Variants in PDS5B observed in about 807,000 individuals in gnomAD.
PDS5B encodes the protein sister chromatid cohesion protein PDS5 homolog B.
In PDS5B, 51 loss-of-function variants were observed where a neutral mutation model predicts 184.1. The ratio of observed to expected loss-of-function variants is 0.28; its 90% confidence interval spans 0.22 to 0.35. The LOEUF (loss-of-function observed/expected upper bound fraction) is 0.35, where lower values mean the gene tolerates loss of function less well. Among genes scored for constraint, PDS5B ranks in the 10% least tolerant of loss-of-function variants. PDS5B has a pLI of 1.00. For synonymous variants in PDS5B, 566 were observed against 569.2 expected, an observed-to-expected ratio of 0.99 and a Z score of 0.08; for missense variants, 1,180 against 1,723.3, an observed-to-expected ratio of 0.68 and a Z score of 5.58.
At chr13:32,586,990 C>CCTG (rs1566223364) in intron 1 of PDS5B, among the ~76,000 whole-genome samples, 1 of 140,810 alleles carries the variant, frequency 7.1e-6, no homozygotes, top group Non-Finnish European at 1.6e-5. Context: ...CCCGCGCCCT[C>CCTG]CCGCCGCCGC....
In PDS5B at chr13:32,696,863, A is replaced by G. The variant is rs1277283430; in HGVS notation, c.1561A>G (p.Ser521Gly). 2 of 1,597,798 alleles carry G rather than the reference A, an allele frequency of 1.3e-6. No individual in the cohort carries two copies. The highest frequency in any genetic ancestry group is 2.2e-5 in the East Asian group (1 of 44,582). The change falls in exon 15 of 35, where the codon AGT (serine) becomes GGT (glycine). Residue 521 changes from serine (S) to glycine (G), a missense_variant. Physicochemically the swap from Ser to Gly is moderately conservative, Grantham distance 56. Around this residue, in one of 11 missense-constraint regions of PDS5B, gnomAD observed 475 missense variants for 691.5 expected, o/e 0.69. Coordinates refer to ENST00000315596, the MANE Select transcript of PDS5B (RefSeq NM_015032.4). ...DLIKQPKTDA[S>G]VKAIFSKVMV... ...TTTGTGTGATTTACAGACAGATGCC[A>G]GTGTCAAGGCCATATTTTCAAAAGT...
intron 6 of PDS5B, among the ~76,000 whole-genome samples, chr13:32,667,387 A>G (rs1668021580): frequency 6.6e-6 from 1 of 152,132 alleles, no homozygotes; most frequent in Admixed American, 6.6e-5. Flanking sequence ...ACACTAGAAC[A>G]TAGTTCATTC....
intron 19 of PDS5B, among the ~76,000 whole-genome samples, chr13:32,717,064 G>T (rs1299888097): frequency 2.7e-5 from 4 of 146,926 alleles, no homozygotes; most frequent in Admixed American, 6.6e-5. Context: ...CCGGGAGGGA[G>T]GTGGGGGGGT....
chr13:32,591,059 T>A (rs976641873), intron 1 of PDS5B, among the ~76,000 whole-genome samples: 4 of 151,998 alleles, frequency 2.6e-5, no homozygotes, highest in Non-Finnish European at 4.4e-5. Flanking sequence ...AAGTTTACTT[T>A]AAAAAAAATT....
At chr13:32,708,582 GTA>G (rs1952104501) in intron 18 of PDS5B, among the ~76,000 whole-genome samples, 1 of 152,140 alleles carries the variant, frequency 6.6e-6, no homozygotes, top group South Asian at 2.1e-4. Context: ...AATCCCATCA[GTA>G]GTATGTGAAG....
At chr13:32,642,709 C>T (rs1199804539) in intron 1 of PDS5B, among the ~76,000 whole-genome samples, 1 of 151,920 alleles carries the variant, frequency 6.6e-6, no homozygotes, top group African/African-American at 2.4e-5. Flanking sequence ...CCTTTTCCTT[C>T]AGTCATACTT....
chr13:32,760,896 A>T, intron 30 of PDS5B, among the ~76,000 whole-genome samples, 176 bp downstream of exon 30: 1 of 152,288 alleles, frequency 6.6e-6, no homozygotes, highest in African/African-American at 2.4e-5. Context: ...CTCATTTTGG[A>T]TGGGTGCTCT....
intron 15 of PDS5B, among the ~76,000 whole-genome samples, chr13:32,697,256 G>A (rs1199916753): frequency 6.6e-6 from 1 of 152,128 alleles, no homozygotes; most frequent in Non-Finnish European, 1.5e-5. Context: ...TTTGCTTTAG[G>A]TGATGTTAAG....
intron 2 of PDS5B, chr13:32,650,564 C>T (rs1346047171): frequency 6.6e-6 from 1 of 152,162 alleles, no homozygotes; most frequent in Non-Finnish European, 1.5e-5. Flanking sequence ...TAGTTACATG[C>T]ATGCAGTTCT....
At chr13:32,605,501 C>G (rs962432417) in intron 1 of PDS5B, among the ~76,000 whole-genome samples, 1 of 152,092 alleles carries the variant, frequency 6.6e-6, no homozygotes, top group African/African-American at 2.4e-5. Flanking sequence ...ACTATGTGGT[C>G]AATTTTGGAA....
intron 22 of PDS5B, among the ~76,000 whole-genome samples, chr13:32,741,708 TG>T (rs1953563318): frequency 2.0e-5 from 3 of 146,448 alleles, no homozygotes; most frequent in Non-Finnish European, 4.5e-5. Context: ...TCTGTGTGTG[TG>T]TGTGTGTGTG....
At chr13:32,643,960 A>T (rs897310895) in intron 1 of PDS5B, among the ~76,000 whole-genome samples, 1 of 152,166 alleles carries the variant, frequency 6.6e-6, no homozygotes, top group African/African-American at 2.4e-5. Context: ...TTCCTTTGGC[A>T]TCTTCTGTGT....
chr13:32,594,942 C>T (rs140078836), intron 1 of PDS5B, among the ~76,000 whole-genome samples: 2 of 151,882 alleles, frequency 1.3e-5, no homozygotes, highest in East Asian at 3.9e-4. Context: ...ATTGGTCTTA[C>T]AGAATAAGTA....
intron 19 of PDS5B, among the ~76,000 whole-genome samples, chr13:32,725,254 G>A (rs567622493): frequency 6.6e-6 from 1 of 152,310 alleles, no homozygotes; most frequent in African/African-American, 2.4e-5. Flanking sequence ...GACCAGTTGA[G>A]TGTCGTTTTT....
intron 17 of PDS5B, among the ~76,000 whole-genome samples, chr13:32,703,032 A>G (rs946859672): frequency 2.0e-5 from 3 of 152,196 alleles, no homozygotes; most frequent in Admixed American, 6.5e-5. Flanking sequence ...AACCAGAAAT[A>G]TTAGGATTCA....
intron 1 of PDS5B, among the ~76,000 whole-genome samples, chr13:32,598,706 A>C (rs868392961): frequency 6.6e-6 from 1 of 151,044 alleles, no homozygotes; most frequent in South Asian, 2.1e-4. Flanking sequence ...TCTATATTTT[A>C]CTGTCATTTT....
chr13:32,773,408 G>T, intron 34 of PDS5B, 84 bp downstream of exon 34: 1 of 1,158,324 alleles, frequency 8.6e-7, no homozygotes, highest in Non-Finnish European at 1.2e-6. Context: ...TACTTGTTTA[G>T]TATTTATATG....
chr13:32,630,391 A>G (rs745605170), intron 1 of PDS5B, among the ~76,000 whole-genome samples: 3 of 152,060 alleles, frequency 2.0e-5, no homozygotes, highest in Non-Finnish European at 4.4e-5. Flanking sequence ...GGGGATGGTG[A>G]TGGTGTGCAT....
At position 32,658,445 on chromosome 13, in the gene PDS5B, G is replaced by A; in HGVS notation, c.411G>A (p.Trp137Ter). The A allele has an allele frequency of 6.4e-7, 1 of 1,574,574 alleles. No individual in the cohort carries two copies. Among genetic ancestry groups the A allele is most frequent in the Non-Finnish European group, 8.7e-7 (1 of 1,151,544 alleles). The change falls in exon 5 of 35, where the codon TGG (tryptophan) becomes TGA (stop). Residue 137 changes from tryptophan to a stop codon, truncating the protein, a stop_gained. Transcript: ENST00000315596. LOFTEE classifies it high-confidence loss of function. ...CACCTTATTTTTAGAACATTGCTTG[G>A]GTCAAGTCATATAACATATGCTTTG... is the stretch of plus-strand genomic sequence containing the variant. ...RYFYLLENIA[W>*]VKSYNICFEL...
Sources: allele counts gnomAD v4.1 joint callset (sites outside exome capture counted in the v4.1 genomes callset), GRCh38; gene constraint gnomAD v4.1.1; regional missense constraint gnomAD v4.1.1; transcripts MANE v1.5; gene names NCBI Gene and HGNC (gene_info 2026-07-23, HGNC 2026-07-21).